ARB2A: variants seen among roughly 807,000 people sequenced by gnomAD.
The protein encoded by ARB2A is ARB2 cotranscriptional regulator A, also known as cotranscriptional regulator ARB2A.
the ARB2A span, among the ~76,000 whole-genome samples, chr5:93,817,203 G>A: frequency 5.3e-5 from 8 of 151,928 alleles, no homozygotes; most frequent in Admixed American, 2.0e-4. Flanking sequence ...TACTAGTACT[G>A]AATATGAAAA....
chr5:93,695,016 T>C, the ARB2A span, among the ~76,000 whole-genome samples: 2 of 152,158 alleles, frequency 1.3e-5, no homozygotes, highest in African/African-American at 4.8e-5. Flanking sequence ...ACCCCTTCCT[T>C]ACACCTTACA....
the ARB2A span, among the ~76,000 whole-genome samples, chr5:93,837,793 G>C: frequency 6.6e-6 from 1 of 152,100 alleles, no homozygotes; most frequent in African/African-American, 2.4e-5. Flanking sequence ...ATGCTTGTTG[G>C]CCACATGTAT....
the ARB2A span, among the ~76,000 whole-genome samples, chr5:93,994,325 T>G: frequency 3.3e-5 from 5 of 152,058 alleles, no homozygotes; most frequent in Non-Finnish European, 7.4e-5. Context: ...AATGAAATAG[T>G]TTTCAACCTT....
At chr5:94,101,875 T>C in the ARB2A span, among the ~76,000 whole-genome samples, 16,559 of 151,740 alleles carry the variant, frequency 0.11, 1,006 homozygotes, top group Middle Eastern at 0.16. Context: ...TGTAGTAATA[T>C]GTACAACAAA....
At chr5:93,643,658 C>A in the ARB2A span, among the ~76,000 whole-genome samples, 17 of 152,130 alleles carry the variant, frequency 1.1e-4, no homozygotes, top group Admixed American at 1.1e-3. Flanking sequence ...TCATGCCTGG[C>A]TAATTTTGTA....
the ARB2A span, among the ~76,000 whole-genome samples, chr5:93,719,292 T>C: frequency 6.6e-6 from 1 of 152,220 alleles, no homozygotes; most frequent in Non-Finnish European, 1.5e-5. Context: ...AGGGTGCTTA[T>C]TTAATTCTGT....
At chr5:93,869,922 C>T in the ARB2A span, among the ~76,000 whole-genome samples, 2 of 152,222 alleles carry the variant, frequency 1.3e-5, no homozygotes, top group African/African-American at 2.4e-5. Flanking sequence ...AGCCCGCCTG[C>T]GCCCAGGTGA....
the ARB2A span, among the ~76,000 whole-genome samples, chr5:94,063,876 C>T: frequency 6.6e-6 from 1 of 151,882 alleles, no homozygotes; most frequent in South Asian, 2.1e-4. Context: ...ATAGCAAATT[C>T]AAAAAATTGG....
the ARB2A span, among the ~76,000 whole-genome samples, chr5:93,923,032 C>T: frequency 1.3e-5 from 2 of 151,964 alleles, no homozygotes; most frequent in Admixed American, 1.3e-4. Context: ...CTATCTCCTG[C>T]ACCTCTTTTG....
At chr5:93,652,540 C>G in the ARB2A span, among the ~76,000 whole-genome samples, 1 of 152,098 alleles carries the variant, frequency 6.6e-6, no homozygotes, top group Non-Finnish European at 1.5e-5. Context: ...ATTACCATTA[C>G]TGTATATTTC....
chr5:93,952,853 T>A, the ARB2A span, among the ~76,000 whole-genome samples: 1 of 152,170 alleles, frequency 6.6e-6, no homozygotes, highest in African/African-American at 2.4e-5. Flanking sequence ...CATGTTTCAT[T>A]CTTTATTATT....
At chr5:93,960,464 C>T in the ARB2A span, among the ~76,000 whole-genome samples, 12 of 152,240 alleles carry the variant, frequency 7.9e-5, no homozygotes, top group South Asian at 1.7e-3. Flanking sequence ...TGTTTATTCA[C>T]GGCCTGCTCC....
the ARB2A span, among the ~76,000 whole-genome samples, chr5:93,850,901 T>C: frequency 1.3e-5 from 2 of 152,204 alleles, no homozygotes; most frequent in Admixed American, 6.5e-5. Flanking sequence ...ATCTCCAATA[T>C]TTACAAGCAA....
the ARB2A span, among the ~76,000 whole-genome samples, chr5:94,057,936 C>A: frequency 6.6e-6 from 1 of 151,920 alleles, no homozygotes; most frequent in Non-Finnish European, 1.5e-5. Flanking sequence ...AGAGAAGGAG[C>A]GCAGGGGAAA....
the ARB2A span, among the ~76,000 whole-genome samples, chr5:93,792,574 C>T: frequency 3.6e-4 from 54 of 151,756 alleles, no homozygotes; most frequent in African/African-American, 1.0e-3. Flanking sequence ...AGTGAACTAT[C>T]GCAAGAACAA....
At chr5:94,012,893 T>C in the ARB2A span, among the ~76,000 whole-genome samples, 1 of 152,092 alleles carries the variant, frequency 6.6e-6, no homozygotes, top group Non-Finnish European at 1.5e-5. Context: ...AAGGTAGTAT[T>C]TGTATTAGAA....
the ARB2A span, among the ~76,000 whole-genome samples, chr5:93,888,219 A>C: frequency 6.6e-6 from 1 of 151,886 alleles, no homozygotes; most frequent in Non-Finnish European, 1.5e-5. Context: ...CCATTAATAC[A>C]TTTACCATTC....
the ARB2A span, among the ~76,000 whole-genome samples, chr5:93,643,309 G>A: frequency 4.7e-4 from 71 of 152,252 alleles, no homozygotes; most frequent in African/African-American, 1.5e-3. Flanking sequence ...AGGGTAGGGA[G>A]TCCCTGGGGG....
At chr5:93,781,138 A>G in the ARB2A span, among the ~76,000 whole-genome samples, 40 of 152,244 alleles carry the variant, frequency 2.6e-4, no homozygotes, top group African/African-American at 8.9e-4. Context: ...ATCGTACTCA[A>G]TAGGTAAGTT....
Sources: gnomAD v4.1 joint callset for allele counts (sites outside exome capture counted in the v4.1 genomes callset) on GRCh38, gnomAD v4.1.1 for gene constraint, MANE v1.5 for transcripts, NCBI Gene and HGNC (gene_info 2026-07-23, HGNC 2026-07-21) for gene names.